The following WWOX variants were observed in gnomAD, a reference collection of about 807,000 sequenced individuals.
The protein encoded by WWOX is WW domain-containing oxidoreductase.
Under a neutral mutation model 46.2 loss-of-function variants are expected in WWOX, and 69 were observed. That is an observed-to-expected ratio of 1.49 (90% CI 1.23 to 1.82). The LOEUF is 1.82. Ranked by LOEUF, WWOX falls within the 40% of genes most tolerant of loss-of-function variation. The pLI is 0.00. For synonymous variants in WWOX, 359 were observed against 202.6 expected, an observed-to-expected ratio of 1.77 and a Z score of -6.56; for missense variants, 919 against 542.6, an observed-to-expected ratio of 1.69 and a Z score of -6.89.
At chr16:78,106,990 G>T (rs1051010408) in intron 1 of WWOX, among the ~76,000 whole-genome samples, 141 of 152,334 alleles carry the variant, frequency 9.3e-4, no homozygotes, top group African/African-American at 3.2e-3. Flanking sequence ...CCAAGACTTT[G>T]TCAAACAGAC....
In WWOX at chr16:79,212,263, C is replaced by A; in HGVS notation, c.*467C>A. On this transcript the variant is annotated 3_prime_UTR_variant, in exon 9 of 9. Coordinates refer to ENST00000566780, the MANE Select transcript of WWOX (RefSeq NM_016373.4). ...GCATTGATCCAGGAGATAATTGTTT[C>A]ATTCATCCTGACCAAGACTGAGCCA... The A allele has an allele frequency of 7.8e-7, 1 of 1,286,302 alleles. No homozygotes were observed. The highest frequency in any genetic ancestry group is 1.0e-6 in the Non-Finnish European group (1 of 965,670). 79.7% of individuals were successfully genotyped at this position (1,286,302 alleles called of 1,614,324 possible). A position where few individuals can be genotyped will look rare whatever the true frequency, so the allele number is the denominator to read the frequency against.
At position 79,212,512 on chromosome 16, in the gene WWOX, A is replaced by AGAATACACAGGATATTTT. The variant is rs1356231100; in HGVS notation, c.*718_*735dup. The AGAATACACAGGATATTTT allele has an allele frequency of 3.7e-5, 7 of 187,230 alleles. No homozygotes were observed. Among genetic ancestry groups the AGAATACACAGGATATTTT allele is most frequent in the Admixed American group, 3.7e-4 (7 of 18,878 alleles). The allele number at this position is 187,230 out of a possible 1,614,324, so 11.6% of individuals were successfully genotyped here. The stretch of plus-strand genomic sequence containing the variant: ...GCAGGAAGGGAAGCGTATATACTTA[A>AGAATACACAGGATATTTT]GAATACACAGGATATTTTGGGGGGC... On this transcript the variant is annotated 3_prime_UTR_variant, in exon 9 of 9. Transcript: ENST00000566780.
intron 8 of WWOX, among the ~76,000 whole-genome samples, chr16:78,587,607 C>G (rs571132467): frequency 6.6e-6 from 1 of 152,046 alleles, no homozygotes; most frequent in Non-Finnish European, 1.5e-5. Flanking sequence ...GAAGAAATGT[C>G]ACTTTCTTTG....
intron 4 of WWOX, among the ~76,000 whole-genome samples, chr16:78,145,088 C>T (rs1303463053): frequency 6.6e-6 from 1 of 152,118 alleles, no homozygotes; most frequent in Non-Finnish European, 1.5e-5. Flanking sequence ...TCTCATAGTT[C>T]TGTAGGCCAG....
At chr16:79,141,039 A>C (rs1027768459) in intron 8 of WWOX, among the ~76,000 whole-genome samples, 1 of 152,200 alleles carries the variant, frequency 6.6e-6, no homozygotes. Flanking sequence ...TGGGCCCCCA[A>C]ATCACTAAGC....
rs1034668102 is a variant in WWOX at position 78,992,010 on chromosome 16, G to C, written c.1057-219598G>C. ...AGGGGGTTGGGAAACTCACCTGAAG[G>C]ATCTTCTCCCTCTCCCCACTTTCAG... On this transcript the variant is annotated intron_variant, in intron 8 of 8. Coordinates refer to ENST00000566780, the MANE Select transcript of WWOX (RefSeq NM_016373.4). Among the ~76,000 whole-genome samples, 6 of 152,266 alleles carry C rather than the reference G, an allele frequency of 3.9e-5. No homozygotes were observed. The South Asian group carries it at 6.2e-4, about 16-fold the overall frequency.
intron 8 of WWOX, among the ~76,000 whole-genome samples, chr16:79,025,477 A>G (rs1329300022): frequency 6.6e-6 from 1 of 152,062 alleles, no homozygotes; most frequent in African/African-American, 2.4e-5. Context: ...CACAGAAGAG[A>G]AGGCGGTGTG....
intron 8 of WWOX, chr16:79,101,285 C>T (rs1380685558): frequency 6.6e-6 from 1 of 152,192 alleles, no homozygotes; most frequent in African/African-American, 2.4e-5. Flanking sequence ...GAGCTTGATT[C>T]TGTTTACCCA....
intron 5 of WWOX, among the ~76,000 whole-genome samples, chr16:78,283,958 AC>A (rs2079726944): frequency 2.0e-5 from 3 of 152,244 alleles, no homozygotes; most frequent in Non-Finnish European, 4.4e-5. Context: ...TCTGAAGGGT[AC>A]AGTAACCCAT....
chr16:78,803,017 T>C (rs149145936), intron 8 of WWOX, among the ~76,000 whole-genome samples: 2 of 148,898 alleles, frequency 1.3e-5, no homozygotes, highest in East Asian at 3.9e-4. Flanking sequence ...GCCATGGAAT[T>C]CATGGTGCCT....
chr16:78,195,325 G>A (rs1335222229), intron 5 of WWOX, among the ~76,000 whole-genome samples: 4 of 152,134 alleles, frequency 2.6e-5, no homozygotes, highest in Non-Finnish European at 5.9e-5. Flanking sequence ...CTAAGACCAT[G>A]AACTTCTTGA....
intron 8 of WWOX, among the ~76,000 whole-genome samples, chr16:79,061,215 G>A (rs1440973753): frequency 6.6e-6 from 1 of 152,168 alleles, no homozygotes; most frequent in Non-Finnish European, 1.5e-5. Flanking sequence ...TGCCTAAAAT[G>A]TTAGGAAGGA....
At chr16:78,283,420 T>G (rs1482241944) in intron 5 of WWOX, among the ~76,000 whole-genome samples, 1 of 152,182 alleles carries the variant, frequency 6.6e-6, no homozygotes, top group Admixed American at 6.5e-5. Flanking sequence ...TTTACTTCGA[T>G]GGAGTCATTT....
chr16:78,326,588 C>T (rs1293133929), intron 5 of WWOX, among the ~76,000 whole-genome samples: 2 of 107,220 alleles, frequency 1.9e-5, no homozygotes, highest in Non-Finnish European at 3.8e-5. Flanking sequence ...CCCCCCCCCC[C>T]CGCAATGCCT....
At position 78,589,492 on chromosome 16, in the gene WWOX, A is replaced by G. The variant is rs1368582249; in HGVS notation, c.1056+156740A>G. The stretch of plus-strand genomic sequence containing the variant: ...CTGTCCTGCCACTCTTTTCCTCATC[A>G]TCTCAGCCTCCCTGCCCATGGCACT... On this transcript the variant is annotated intron_variant, in intron 8 of 8. Transcript: ENST00000566780. Among the ~76,000 whole-genome samples the G allele has an allele frequency of 5.9e-5, 9 of 152,192 alleles. No individual in the cohort carries two copies. In the South Asian group the frequency reaches 1.9e-3, roughly 32 times the overall value.
At chr16:78,449,195 G>A (rs575733373) in intron 8 of WWOX, among the ~76,000 whole-genome samples, 2 of 152,156 alleles carry the variant, frequency 1.3e-5, no homozygotes, top group African/African-American at 2.4e-5. Context: ...TCCTTGCCAC[G>A]TAGGGATCTC....
intron 8 of WWOX, among the ~76,000 whole-genome samples, chr16:78,786,014 C>G (rs1003050714): frequency 6.6e-6 from 1 of 152,208 alleles, no homozygotes; most frequent in Non-Finnish European, 1.5e-5. Flanking sequence ...TCAAGCGATT[C>G]TCATGGCTTA....
chr16:78,950,012 T>C (rs1597194074), intron 8 of WWOX, among the ~76,000 whole-genome samples: 1 of 152,356 alleles, frequency 6.6e-6, no homozygotes, highest in East Asian at 1.9e-4. Flanking sequence ...GGACTGAGGC[T>C]TGTAGACTTT....
At chr16:78,688,905 T>C (rs533289276) in intron 8 of WWOX, among the ~76,000 whole-genome samples, 1 of 152,314 alleles carries the variant, frequency 6.6e-6, no homozygotes, top group South Asian at 2.1e-4. Context: ...TTGATGGTTT[T>C]ATACGATGCT....
Sources: gnomAD v4.1 joint callset for allele counts (sites outside exome capture counted in the v4.1 genomes callset) on GRCh38, gnomAD v4.1.1 for gene constraint, MANE v1.5 for transcripts, NCBI Gene and HGNC (gene_info 2026-07-23, HGNC 2026-07-21) for gene names.